FLRT2: variants seen among roughly 807,000 people sequenced by gnomAD.
FLRT2 encodes fibronectin leucine rich transmembrane protein 2.
FLRT2 carries 15 observed loss-of-function variants against 40.0 expected under a neutral mutation model. The observed-to-expected ratio is 0.38, with a 90% CI of 0.25 to 0.58. The LOEUF (loss-of-function observed/expected upper bound fraction) is 0.58, where lower values mean the gene tolerates loss of function less well. FLRT2 is among the 20% of genes least tolerant of loss of function. FLRT2 has a pLI of 0.71. For missense variants in FLRT2, 726 were observed against 840.0 expected, an observed-to-expected ratio of 0.86 and a Z score of 1.68; for synonymous variants, 380 against 336.8, an observed-to-expected ratio of 1.13 and a Z score of -1.41.
At chr14:85,620,808 C>T (rs1431076043) in intron 1 of FLRT2, among the ~76,000 whole-genome samples, 2 of 152,076 alleles carry the variant, frequency 1.3e-5, no homozygotes, top group Non-Finnish European at 2.9e-5. Flanking sequence ...TGAGTGGATT[C>T]AGCAGTGTGC....
intron 1 of FLRT2, among the ~76,000 whole-genome samples, chr14:85,543,766 C>T (rs769552706): frequency 5.9e-5 from 9 of 152,138 alleles, no homozygotes; most frequent in African/African-American, 1.2e-4. Context: ...AGAACATTAT[C>T]GCATACTCTC....
intron 1 of FLRT2, among the ~76,000 whole-genome samples, chr14:85,582,871 GATATATAC>G (rs1329747074): frequency 6.6e-6 from 1 of 151,522 alleles, no homozygotes; most frequent in Non-Finnish European, 1.5e-5. Flanking sequence ...GTAGGTTGGA[GATATATAC>G]ATATATATCC....
chr14:85,609,775 G>A (rs554723066), intron 1 of FLRT2, among the ~76,000 whole-genome samples: 78 of 152,320 alleles, frequency 5.1e-4, no homozygotes, highest in African/African-American at 1.6e-3. Flanking sequence ...GTCACCTCTC[G>A]TGAGTCACAC....
chr14:85,573,238 C>T (rs753724553), intron 1 of FLRT2, among the ~76,000 whole-genome samples: 16 of 151,962 alleles, frequency 1.1e-4, no homozygotes, highest in Non-Finnish European at 1.3e-4. Context: ...GACCCTCCCT[C>T]TCCCACCCCT....
intron 1 of FLRT2, among the ~76,000 whole-genome samples, chr14:85,615,847 C>CCAATAA (rs1198570867): frequency 2.0e-5 from 3 of 146,356 alleles, no homozygotes; most frequent in Non-Finnish European, 4.5e-5. Context: ...TTCTATTACG[C>CCAATAA]GATTGGCAAT....
intron 1 of FLRT2, among the ~76,000 whole-genome samples, chr14:85,613,536 A>T (rs548417404): frequency 6.6e-6 from 1 of 152,230 alleles, no homozygotes; most frequent in Admixed American, 6.5e-5. Context: ...CTGAAATATT[A>T]TCTCACTGAT....
intron 1 of FLRT2, among the ~76,000 whole-genome samples, chr14:85,594,383 G>A (rs2139322292): frequency 6.6e-6 from 1 of 152,256 alleles, no homozygotes; most frequent in Admixed American, 6.5e-5. Context: ...GGTTTTGTGT[G>A]AGTGAGTAAA....
At chr14:85,613,966 C>G (rs1489336552) in intron 1 of FLRT2, among the ~76,000 whole-genome samples, 2 of 152,168 alleles carry the variant, frequency 1.3e-5, no homozygotes, top group African/African-American at 2.4e-5. Context: ...AACTCTCTAC[C>G]AAATTAGGGA....
chr14:85,545,872 T>A (rs369517930), intron 1 of FLRT2, among the ~76,000 whole-genome samples: 1 of 152,174 alleles, frequency 6.6e-6, no homozygotes, highest in Non-Finnish European at 1.5e-5. Flanking sequence ...GTGGAGGTGA[T>A]AATGGACAAC....
At position 85,636,416 on chromosome 14, in the gene FLRT2, CATTCTT is replaced by C. The variant is rs1816863582; in HGVS notation, c.*12923_*12928del. The C allele has an allele frequency of 1.4e-5, 1 of 72,358 alleles. No individual in the cohort carries two copies. 4.5% of individuals were successfully genotyped at this position (72,358 alleles called of 1,614,324 possible). On this transcript the variant is annotated 3_prime_UTR_variant, in exon 2 of 2. Coordinates refer to ENST00000330753, the MANE Select transcript of FLRT2 (RefSeq NM_013231.6). The stretch of plus-strand genomic sequence containing the variant: ...AAAAAAAAAAAAAAAAAACAAAAAA[CATTCTT>C]ATTAATCTTAACTAATTTTCTTTAG...
chr14:85,583,657 G>A (rs887199392), intron 1 of FLRT2, among the ~76,000 whole-genome samples: 1 of 152,086 alleles, frequency 6.6e-6, no homozygotes, highest in African/African-American at 2.4e-5. Context: ...ATTCCCTCAA[G>A]GCATTGTGCA....
chr14:85,600,383 G>A (rs925548064), intron 1 of FLRT2, among the ~76,000 whole-genome samples: 4 of 152,202 alleles, frequency 2.6e-5, no homozygotes, highest in Admixed American at 6.5e-5. Context: ...TAAGATTAAA[G>A]TGGTAGCATT....
intron 1 of FLRT2, among the ~76,000 whole-genome samples, chr14:85,595,413 A>G (rs1892090633): frequency 6.6e-6 from 1 of 151,142 alleles, no homozygotes; most frequent in Admixed American, 6.6e-5. Context: ...ATAATGACCT[A>G]CAAGAATTTT....
At chr14:85,555,663 TTAAC>T (rs1271601859) in intron 1 of FLRT2, among the ~76,000 whole-genome samples, 2 of 152,078 alleles carry the variant, frequency 1.3e-5, no homozygotes, top group Non-Finnish European at 2.9e-5. Context: ...ATCAAGCAGT[TTAAC>T]TATTTCTCTC....
rs1025261528 is a variant in FLRT2 at position 85,653,354 on chromosome 14, C to G, written c.*29857C>G. 1 of 152,154 alleles carries G rather than the reference C, an allele frequency of 6.6e-6. No individual in the cohort carries two copies. Among genetic ancestry groups the G allele is most frequent in the Non-Finnish European group, 1.5e-5 (1 of 68,030 alleles). 9.4% of individuals were successfully genotyped at this position (152,154 alleles called of 1,614,324 possible). ...GTGCCATCAATGGGATGCAATTTGGCTAGTCACACCTGGGTGACCAATATC... is the reference window on the plus strand; with the variant it reads ...GTGCCATCAATGGGATGCAATTTGGGTAGTCACACCTGGGTGACCAATATC... On this transcript the variant is annotated 3_prime_UTR_variant, in exon 2 of 2. Transcript: ENST00000330753.
rs1320650520 is a variant in FLRT2, at chr14:85,571,321, T to TA, written c.-377+40795dup. Among the ~76,000 whole-genome samples the TA allele has an allele frequency of 7.9e-5, 12 of 152,084 alleles. No homozygotes were observed. The East Asian group carries it at 2.3e-3, about 29-fold the overall frequency. ...TAGTTTCAGAAATTTTAACAAACTA[T>TA]AAAAAAAAGTTGTGGGGTGGGGAGA... On this transcript the variant is annotated intron_variant, in intron 1 of 1. Coordinates refer to ENST00000330753, the MANE Select transcript of FLRT2 (RefSeq NM_013231.6).
At position 85,637,947 on chromosome 14, in the gene FLRT2, C is replaced by A. The variant is rs1007149656; in HGVS notation, c.*14450C>A. On this transcript the variant is annotated 3_prime_UTR_variant, in exon 2 of 2. Transcript: ENST00000330753. ...CCTTACTCTGCTCCACCATCCTCCA[C>A]TGTGCTTGAAATGCCTATCATTATC... The A allele has an allele frequency of 1.3e-5, 2 of 152,188 alleles. No homozygotes were observed. Among genetic ancestry groups the A allele is most frequent in the African/African-American group, 4.8e-5 (2 of 41,434 alleles). 9.4% of individuals were successfully genotyped at this position (152,188 alleles called of 1,614,324 possible).
In FLRT2 at chr14:85,612,101, G is replaced by A. The variant is rs73321562; in HGVS notation, c.-376-9038G>A. 1.4e-3 allele frequency among the ~76,000 whole-genome samples: 197 copies of A among 145,532 alleles called. 1 individual carries two copies. Among genetic ancestry groups the A allele is most frequent in the African/African-American group, 4.8e-3 (191 of 39,548 alleles). ...AAAAAAAAAGACTAAGTCATTGTGTGCACCTGAGTTTTTAAAATTATTATT... is the reference window on the plus strand; with the variant it reads ...AAAAAAAAAGACTAAGTCATTGTGTACACCTGAGTTTTTAAAATTATTATT... On this transcript the variant is annotated intron_variant, in intron 1 of 1. Transcript: ENST00000330753.
intron 1 of FLRT2, among the ~76,000 whole-genome samples, chr14:85,581,677 A>G (rs2139876254): frequency 6.6e-6 from 1 of 152,212 alleles, no homozygotes; most frequent in East Asian, 1.9e-4. Context: ...AGTTTGTTTT[A>G]CAGTATTATT....
Sources: gnomAD v4.1 joint callset for allele counts (sites outside exome capture counted in the v4.1 genomes callset) on GRCh38, gnomAD v4.1.1 for gene constraint, MANE v1.5 for transcripts, NCBI Gene and HGNC (gene_info 2026-07-23, HGNC 2026-07-21) for gene names.